The following TSGA10IP variants were observed in gnomAD, a reference collection of about 807,000 sequenced individuals.
TSGA10IP encodes the protein testis specific 10 interacting protein, also known as testis-specific protein 10-interacting protein.
A neutral mutation model predicts 63.2 loss-of-function variants in TSGA10IP; 64 were observed. The ratio of observed to expected loss-of-function variants is 1.01; its 90% CI spans 0.83 to 1.25. TSGA10IP has a LOEUF of 1.25. TSGA10IP is among the 50% of genes most tolerant of loss of function. The pLI, the probability that TSGA10IP is intolerant of heterozygous loss-of-function variation, is 0.00. For missense variants in TSGA10IP, 681 were observed against 710.1 expected (o/e 0.96, Z 0.47); for synonymous variants, 316 against 298.3 (o/e 1.06, Z -0.61).
intron 4 of TSGA10IP, among the ~76,000 whole-genome samples, chr11:65,952,436 G>T (rs1011043467): frequency 3.3e-5 from 5 of 150,658 alleles, no homozygotes; most frequent in African/African-American, 9.8e-5. Context: ...GTGTGTGTGT[G>T]GTGTGTGTGT....
At chr11:65,954,112 T>C (rs1486248758) in intron 5 of TSGA10IP, among the ~76,000 whole-genome samples, 2 of 152,104 alleles carry the variant, frequency 1.3e-5, no homozygotes, top group Non-Finnish European at 2.9e-5. Flanking sequence ...ACAACCATTG[T>C]TCACAGTCAG....
At chr11:65,956,140 T>TC (rs1855020335) in intron 5 of TSGA10IP, among the ~76,000 whole-genome samples, 2 of 119,876 alleles carry the variant, frequency 1.7e-5, no homozygotes, top group Non-Finnish European at 3.9e-5. Flanking sequence ...TCAGTCTTTT[T>TC]TTTTTTTTTT....
Position 65,948,019 on chromosome 11 carries a change from G to A in TSGA10IP, c.1022G>A (p.Trp341Ter), listed in dbSNP as rs1350763132. ...TGGGCAGGCCCCCAAAAGCTGCCCT[G>A]GAAGACTTTGAGGGCTGCCTTCCAG... The change falls in exon 4 of 8, where the codon TGG (tryptophan) becomes TAG (stop). Residue 341 changes from tryptophan (W) to a stop codon, truncating the protein, a stop_gained. Transcript: ENST00000532620. LOFTEE classifies it high-confidence loss of function. 1 of 1,563,278 alleles carries A rather than the reference G, an allele frequency of 6.4e-7. No homozygotes were observed. Among genetic ancestry groups the A allele is most frequent in the Non-Finnish European group, 8.7e-7 (1 of 1,153,688 alleles).
intron 5 of TSGA10IP, among the ~76,000 whole-genome samples, chr11:65,957,897 T>A (rs1446476331): frequency 6.6e-6 from 1 of 152,204 alleles, no homozygotes; most frequent in Non-Finnish European, 1.5e-5. Context: ...GCTCTCTTCA[T>A]GAGTGGCAGT....
chr11:65,947,915 C>G (rs953618661), intron 3 of TSGA10IP, 86 bp from the exon 4 acceptor site: 1 of 1,511,400 alleles, frequency 6.6e-7, no homozygotes, highest in Admixed American at 2.2e-5. Context: ...CTCAGGCAGG[C>G]TGGGCTGTGC....
exon 5 of TSGA10IP, chr11:65,953,717 G>C: frequency 6.5e-7 from 1 of 1,550,268 alleles, no homozygotes. Context: ...GGGCGGCCCA[G>C]CGCAAGCTGG....
chr11:65,947,674 C>G lies in TSGA10IP; in HGVS notation c.849C>G (p.Ser283=), dbSNP rs369306904. 7 of 1,606,940 alleles carry G rather than the reference C, an allele frequency of 4.4e-6. No individual in the cohort carries two copies. In the Admixed American group the frequency reaches 1.2e-4, roughly 28 times the overall value. ...GGCAGATTTCTGGAGAGGAAGCCTC[C>G]GATGAGGGAGAAGTGCAGGGCCAGA... Residue 283 remains serine, a synonymous_variant, in exon 3 of 8, where the codon TCC becomes TCG. Transcript: ENST00000532620.
intron 5 of TSGA10IP, 79 bp downstream of exon 5, chr11:65,953,816 G>A: frequency 8.1e-7 from 1 of 1,240,720 alleles, no homozygotes; most frequent in Non-Finnish European, 1.1e-6. Context: ...CAGGACCGAG[G>A]AGCACCAGCC....
rs146264196 is a variant in TSGA10IP at position 65,955,376 on chromosome 11, T to C, written c.1322+1639T>C. On this transcript the variant is annotated intron_variant, in intron 5 of 7. Coordinates refer to ENST00000532620, the Ensembl canonical transcript of TSGA10IP. ...ATCCCAACACTTTGGGAAGCCGAGG[T>C]AAGTGGATCACCTGAGGTCAGGATT... Among the ~76,000 whole-genome samples, 1,496 of 152,114 alleles carry C rather than the reference T, an allele frequency of 9.8e-3. 27 individuals are homozygous for C. The highest frequency in any genetic ancestry group is 0.033 in the African/African-American group (1,379 of 41,490).
At chr11:65,947,179 T>A (rs762103362) in exon 3 of TSGA10IP, 7 of 1,609,264 alleles carry the variant, frequency 4.3e-6, no homozygotes, top group African/African-American at 4.0e-5. Flanking sequence ...TCGCCACAGA[T>A]GTCCGGGCTG....
intron 5 of TSGA10IP, 23 bp from the exon 6 acceptor site, chr11:65,958,860 A>G: frequency 1.2e-6 from 2 of 1,603,550 alleles, no homozygotes; most frequent in East Asian, 4.5e-5. Context: ...GGTTAGCTGC[A>G]CAAAGGCCTG....
chr11:65,953,513 G>T, intron 4 of TSGA10IP, 54 bp from the exon 5 acceptor site: 1 of 1,490,166 alleles, frequency 6.7e-7, no homozygotes. Context: ...CTGGCCCTCC[G>T]TGAGGCTCCT....
Position 65,953,598 on chromosome 11 carries a change from C to T in TSGA10IP, c.1183C>T (p.Gln395Ter). ...GCTGCAGGCCTGGGAGCGGCAGCGG[C>T]AGGAGGAGCGGCAGCAGGCCGAGCT... Residue 395 changes from glutamine (Q) to a stop codon, truncating the protein, a stop_gained, in exon 5 of 8, where the codon CAG becomes TAG. Coordinates refer to ENST00000532620, the Ensembl canonical transcript of TSGA10IP. LOFTEE classifies it high-confidence loss of function. 2 of 1,590,108 alleles carry T rather than the reference C, an allele frequency of 1.3e-6. No homozygotes were observed. The highest frequency in any genetic ancestry group is 1.7e-6 in the Non-Finnish European group (2 of 1,169,916).
At chr11:65,947,304 G>A in exon 3 of TSGA10IP, 1 of 1,612,332 alleles carries the variant, frequency 6.2e-7, no homozygotes, top group Non-Finnish European at 8.5e-7. Flanking sequence ...GCCCATGGCT[G>A]CTGCTGGAAG....
chr11:65,946,846 A>G (rs1854843153), intron 1 of TSGA10IP, 34 bp from the exon 2 acceptor site: 1 of 1,608,248 alleles, frequency 6.2e-7, no homozygotes, highest in African/African-American at 1.3e-5. Flanking sequence ...AGGCTGCTCA[A>G]GCTGGCTGCT....
chr11:65,945,574 C>T, exon 1 of TSGA10IP: 1 of 1,381,778 alleles, frequency 7.2e-7, no homozygotes, highest in Non-Finnish European at 1.0e-6. Flanking sequence ...TGACCCCTTC[C>T]TAGCATGCTT....
chr11:65,955,111 G>A (rs534085092), intron 5 of TSGA10IP, among the ~76,000 whole-genome samples: 17 of 152,138 alleles, frequency 1.1e-4, no homozygotes, highest in Admixed American at 1.0e-3. Flanking sequence ...CTGTGTATGC[G>A]GAACCCCGAG....
At position 65,947,267 on chromosome 11, in the gene TSGA10IP, C is replaced by A. The variant is rs376751149; in HGVS notation, c.442C>A (p.Arg148Ser). The A allele has an allele frequency of 9.9e-6, 16 of 1,611,464 alleles. No individual in the cohort carries two copies. The highest frequency in any genetic ancestry group is 1.2e-5 in the Non-Finnish European group (14 of 1,179,264). The change falls in exon 3 of 8, where the codon CGC becomes AGC. Residue 148 changes from arginine to serine, a missense_variant. By Grantham distance (110) the Arg-to-Ser change is moderately radical (BLOSUM62 -1). Coordinates refer to ENST00000532620, the Ensembl canonical transcript of TSGA10IP. ...CTCGTTCTCCCAGCGTCAGTCCAGG[C>A]GCAAGTCCACGGCCAACCTCCCAGA...
At chr11:65,948,138 G>A (rs931041382) in exon 4 of TSGA10IP, 3 of 1,603,608 alleles carry the variant, frequency 1.9e-6, no homozygotes, top group Non-Finnish European at 2.6e-6. Flanking sequence ...CAAACGACAG[G>A]AAGCCACCAG....
Sources: gnomAD v4.1 joint callset for allele counts (sites outside exome capture counted in the v4.1 genomes callset) on GRCh38, gnomAD v4.1.1 for gene constraint, MANE v1.5 for transcripts, NCBI Gene and HGNC (gene_info 2026-07-23, HGNC 2026-07-21) for gene names.